Variants in TARS3 observed in about 807,000 individuals in gnomAD.
TARS3 encodes the protein threonyl-tRNA synthetase 3.
TARS3 carries 94 observed loss-of-function variants against 103.5 expected under a neutral mutation model. That is an observed-to-expected ratio of 0.91 (90% CI 0.77 to 1.08). The LOEUF (loss-of-function observed/expected upper bound fraction) is 1.08. Ranked by LOEUF, TARS3 falls within the 50% of genes least tolerant of loss-of-function variation. The pLI is 0.00. For synonymous variants in TARS3, 416 were observed against 355.4 expected, an observed-to-expected ratio of 1.17 and a Z score of -1.92; for missense variants, 952 against 995.2, an observed-to-expected ratio of 0.96 and a Z score of 0.58.
At chr15:101,719,428 G>A (rs559387386) in intron 3 of TARS3, among the ~76,000 whole-genome samples, 1 of 152,310 alleles carries the variant, frequency 6.6e-6, no homozygotes, top group East Asian at 1.9e-4. Context: ...GATGTTGAAA[G>A]AAGAGTACCC....
chr15:101,668,332 A>C (rs1280877557), intron 15 of TARS3, among the ~76,000 whole-genome samples: 1 of 152,176 alleles, frequency 6.6e-6, no homozygotes, highest in African/African-American at 2.4e-5. Flanking sequence ...CTCAGGGAAT[A>C]GGGAAGGCTG....
chr15:101,701,670 G>A (rs1369922849), intron 9 of TARS3, among the ~76,000 whole-genome samples: 2 of 152,202 alleles, frequency 1.3e-5, no homozygotes, highest in Non-Finnish European at 2.9e-5. Context: ...ACAAGGACTG[G>A]GCATAAAGCT....
chr15:101,661,980 A>G (rs1375671038), intron 15 of TARS3, among the ~76,000 whole-genome samples, 164 bp from the exon 16 acceptor site: 1 of 152,134 alleles, frequency 6.6e-6, no homozygotes, highest in East Asian at 1.9e-4. Flanking sequence ...TTTCTTTGCT[A>G]ATCTTTTTTC....
At chr15:101,708,737 G>T in intron 6 of TARS3, 56 bp downstream of exon 6, 1 of 1,158,308 alleles carries the variant, frequency 8.6e-7, no homozygotes, top group Non-Finnish European at 1.3e-6. Context: ...GGGGAAGCTA[G>T]TCTATATTGA....
intron 15 of TARS3, among the ~76,000 whole-genome samples, chr15:101,662,223 A>AC (rs1897409012): frequency 1.3e-5 from 2 of 151,998 alleles, no homozygotes; most frequent in African/African-American, 4.8e-5. Flanking sequence ...ATTCCCTGAA[A>AC]CCCTCATGAG....
chr15:101,670,546 C>A lies in TARS3; in HGVS notation c.1967+940G>T, dbSNP rs149599733. ...AAGTACTGGCAAGGATGTGGAACAT[C>A]TGGAACTCTTTACACATTGCAGGTG... is the stretch of plus-strand genomic sequence containing the variant. On this transcript the variant is annotated intron_variant, in intron 15 of 18. Coordinates refer to ENST00000335968, the MANE Select transcript of TARS3 (RefSeq NM_152334.3). Among the ~76,000 whole-genome samples the A allele has an allele frequency of 3.7e-3, 560 of 152,314 alleles. 1 individual carries two copies. Among genetic ancestry groups the A allele is most frequent in the African/African-American group, 0.013 (543 of 41,572 alleles).
At chr15:101,686,200 G>A (rs945927145) in intron 10 of TARS3, 138 bp from the exon 11 acceptor site, 7 of 702,584 alleles carry the variant, frequency 1.0e-5, no homozygotes, top group Non-Finnish European at 1.1e-5. Flanking sequence ...TCAGTTTTAG[G>A]TGTGGTGGTT....
chr15:101,683,569 T>A (rs1898341946), intron 12 of TARS3, among the ~76,000 whole-genome samples: 1 of 152,180 alleles, frequency 6.6e-6, no homozygotes, highest in Non-Finnish European at 1.5e-5. Flanking sequence ...GTGTAAGATG[T>A]ACCTCCCTCA....
At chr15:101,706,726 G>T (rs1188506463) in intron 6 of TARS3, among the ~76,000 whole-genome samples, 8 of 151,860 alleles carry the variant, frequency 5.3e-5, no homozygotes. Context: ...CTACTATCGG[G>T]GTATACAAGG....
intron 18 of TARS3, among the ~76,000 whole-genome samples, chr15:101,655,625 T>C (rs373576448): frequency 1.5e-5 from 2 of 130,790 alleles, no homozygotes; most frequent in Admixed American, 7.5e-5. Context: ...TCACAGTGAC[T>C]CCACCTGGCA....
At chr15:101,708,711 T>C in intron 6 of TARS3, 82 bp downstream of exon 6, 1 of 933,948 alleles carries the variant, frequency 1.1e-6, no homozygotes, top group Non-Finnish European at 1.7e-6. Flanking sequence ...CAACAGGTAA[T>C]TATTTGGGGG....
intron 5 of TARS3, among the ~76,000 whole-genome samples, chr15:101,709,226 T>C (rs1209381904): frequency 1.3e-5 from 2 of 152,222 alleles, no homozygotes; most frequent in Non-Finnish European, 2.9e-5. Flanking sequence ...CTTCACATGC[T>C]TTAGTTTTGC....
chr15:101,690,969 C>T lies in TARS3; in HGVS notation c.1321-4907G>A, dbSNP rs550543130. Among the ~76,000 whole-genome samples the T allele has an allele frequency of 1.7e-3, 264 of 152,122 alleles. 1 individual carries two copies. Among genetic ancestry groups the T allele is most frequent in the Middle Eastern group, 6.8e-3 (2 of 294 alleles). ...AATCTTTTTTTTTGAAATGGAGTCT[C>T]GCTCTGTCACACAGGCTGGAGTGAA... is the stretch of plus-strand genomic sequence containing the variant. On this transcript the variant is annotated intron_variant, in intron 10 of 18. Coordinates refer to ENST00000335968, the MANE Select transcript of TARS3 (RefSeq NM_152334.3).
At chr15:101,672,142 T>C (rs1212628734) in intron 13 of TARS3, among the ~76,000 whole-genome samples, 3 of 152,054 alleles carry the variant, frequency 2.0e-5, no homozygotes, top group East Asian at 3.9e-4. Flanking sequence ...CACTCCCTCT[T>C]CCACTCTGAG....
chr15:101,706,436 G>A (rs1338778301), intron 6 of TARS3, among the ~76,000 whole-genome samples: 1 of 152,096 alleles, frequency 6.6e-6, no homozygotes. Flanking sequence ...TATATATTGG[G>A]TTAAAAATTT....
At chr15:101,690,461 T>C (rs1450494135) in intron 10 of TARS3, among the ~76,000 whole-genome samples, 1 of 152,220 alleles carries the variant, frequency 6.6e-6, no homozygotes, top group Non-Finnish European at 1.5e-5. Context: ...TGGCCTGCTG[T>C]TCCTGTATTT....
chr15:101,717,168 C>A lies in TARS3; in HGVS notation c.567-2205G>T, dbSNP rs181887739. 1.3e-3 allele frequency among the ~76,000 whole-genome samples: 201 copies of A among 152,252 alleles called. 3 individuals carry two copies. Among genetic ancestry groups the A allele is most frequent in the Non-Finnish European group, 5.4e-4 (37 of 67,998 alleles). ...CACCGTGCCCAGCCTACAATGTAATCTTTTAATTTACATTTCTGTGATTAA... is the reference window on the plus strand; with the variant it reads ...CACCGTGCCCAGCCTACAATGTAATATTTTAATTTACATTTCTGTGATTAA... On this transcript the variant is annotated intron_variant, in intron 3 of 18. Coordinates refer to ENST00000335968, the MANE Select transcript of TARS3 (RefSeq NM_152334.3).
rs1360024146 is a variant in TARS3 at position 101,699,394 on chromosome 15, A to ATC, written c.1320+1690_1320+1691dup. ...CCTTTACAGTTTGGTGACCCTCACA[A>ATC]TCAGGCCCTGCTCCTGTTCATCAGC... On this transcript the variant is annotated intron_variant, in intron 10 of 18. Transcript: ENST00000335968. 6 of 455,914 alleles carry ATC rather than the reference A, an allele frequency of 1.3e-5. No homozygotes were observed. The Admixed American group carries it at 1.4e-4, about 11-fold the overall frequency. The allele number at this position is 455,914 out of a possible 1,614,324, so 28.2% of individuals were successfully genotyped here.
chr15:101,702,037 T>C (rs530448535), intron 9 of TARS3, among the ~76,000 whole-genome samples: 1 of 152,302 alleles, frequency 6.6e-6, no homozygotes, highest in African/African-American at 2.4e-5. Context: ...TTTCAAAAAT[T>C]AATAAAAGAT....
Sources: gnomAD v4.1 joint callset for allele counts (sites outside exome capture counted in the v4.1 genomes callset) on GRCh38, gnomAD v4.1.1 for gene constraint, MANE v1.5 for transcripts, NCBI Gene and HGNC (gene_info 2026-07-23, HGNC 2026-07-21) for gene names.